The following CAMSAP2 variants were observed in gnomAD, a reference collection of about 807,000 sequenced individuals.
CAMSAP2 encodes the protein calmodulin-regulated spectrin-associated protein 2.
CAMSAP2 carries 26 observed loss-of-function variants against 146.1 expected under a neutral mutation model. The observed-to-expected ratio is 0.18, with a 90% CI of 0.13 to 0.25. CAMSAP2 has a LOEUF of 0.25. Ranked by LOEUF, CAMSAP2 falls within the 10% of genes least tolerant of loss-of-function variation. The pLI is 1.00. For missense variants in CAMSAP2, 1,381 were observed against 1,759.3 expected, an observed-to-expected ratio of 0.78 and a Z score of 3.85; for synonymous variants, 499 against 596.6, an observed-to-expected ratio of 0.84 and a Z score of 2.38.
At chr1:200,803,409 C>T (rs1666085883) in intron 2 of CAMSAP2, among the ~76,000 whole-genome samples, 1 of 152,104 alleles carries the variant, frequency 6.6e-6, no homozygotes, top group Non-Finnish European at 1.5e-5. Context: ...TGACACTTAA[C>T]AGTGTTAGTT....
rs117400345 is a variant in CAMSAP2, at chr1:200,772,758, A to G, written c.399+11660A>G. Reference sequence around the variant, plus strand: ...CTTTAAAAATGTATTTTCATTTTCAAATTACCAATAGCATCTATTTGTTTG... The same window carrying G: ...CTTTAAAAATGTATTTTCATTTTCAGATTACCAATAGCATCTATTTGTTTG... On this transcript the variant is annotated intron_variant, in intron 2 of 16. Transcript: ENST00000358823. Among the ~76,000 whole-genome samples the G allele has an allele frequency of 8.7e-4, 133 of 152,344 alleles. No individual in the cohort carries two copies. In the East Asian group the frequency reaches 0.02, roughly 22 times the overall value.
intron 4 of CAMSAP2, among the ~76,000 whole-genome samples, chr1:200,820,264 A>G (rs1666715071): frequency 6.6e-6 from 1 of 151,992 alleles, no homozygotes; most frequent in Non-Finnish European, 1.5e-5. Flanking sequence ...GGGTTTCGCC[A>G]TGTGCTGGTC....
intron 3 of CAMSAP2, among the ~76,000 whole-genome samples, chr1:200,809,866 G>T (rs770276626): frequency 6.6e-6 from 1 of 152,224 alleles, no homozygotes; most frequent in Non-Finnish European, 1.5e-5. Flanking sequence ...TTCCTGCTAA[G>T]TGGGGACTCT....
intron 2 of CAMSAP2, among the ~76,000 whole-genome samples, chr1:200,795,379 C>G (rs1313141349): frequency 6.6e-6 from 1 of 152,140 alleles, no homozygotes; most frequent in East Asian, 1.9e-4. Flanking sequence ...GAGTCAGCCT[C>G]TAAGGTTTGA....
chr1:200,761,452 A>G (rs1664798736), intron 2 of CAMSAP2, among the ~76,000 whole-genome samples: 2 of 152,090 alleles, frequency 1.3e-5, no homozygotes, highest in African/African-American at 4.8e-5. Context: ...GTGCTGATTT[A>G]TGGCCGGGCG....
chr1:200,760,674 A>C (rs1015658866), intron 1 of CAMSAP2, among the ~76,000 whole-genome samples, 165 bp from the exon 2 acceptor site: 1 of 152,224 alleles, frequency 6.6e-6, no homozygotes, highest in African/African-American at 2.4e-5. Context: ...GTCTCATTCC[A>C]GAGTATATGT....
intron 2 of CAMSAP2, among the ~76,000 whole-genome samples, chr1:200,779,562 A>G (rs1333064368): frequency 6.6e-6 from 1 of 152,186 alleles, no homozygotes; most frequent in East Asian, 1.9e-4. Context: ...GGAAATTGTG[A>G]TGCCCAGGGA....
At chr1:200,785,697 CT>C (rs1212029822) in intron 2 of CAMSAP2, among the ~76,000 whole-genome samples, 2 of 124,982 alleles carry the variant, frequency 1.6e-5, no homozygotes, top group Non-Finnish European at 3.3e-5. Context: ...CTGATATTTT[CT>C]TTTTTTTGAG....
At chr1:200,807,229 C>T in intron 2 of CAMSAP2, 147 bp from the exon 3 acceptor site, 2 of 508,382 alleles carry the variant, frequency 3.9e-6, no homozygotes, top group East Asian at 3.3e-5. Flanking sequence ...TCATCTTTAG[C>T]ATGTACAATT....
intron 4 of CAMSAP2, among the ~76,000 whole-genome samples, chr1:200,822,583 AC>A (rs961751225): frequency 6.6e-6 from 1 of 152,104 alleles, no homozygotes; most frequent in African/African-American, 2.4e-5. Flanking sequence ...ATATCCATTT[AC>A]CCCTGCTAGA....
At chr1:200,776,365 A>G (rs1464401702) in intron 2 of CAMSAP2, among the ~76,000 whole-genome samples, 1 of 152,200 alleles carries the variant, frequency 6.6e-6, no homozygotes, top group African/African-American at 2.4e-5. Context: ...GGACCAAGTA[A>G]AAGGGCTGTT....
chr1:200,775,107 A>G (rs550317288), intron 2 of CAMSAP2, among the ~76,000 whole-genome samples: 99 of 152,362 alleles, frequency 6.5e-4, no homozygotes, highest in African/African-American at 2.2e-3. Context: ...GGCTCTTTTC[A>G]TAGGAGGCTT....
chr1:200,767,698 G>T (rs933054648), intron 2 of CAMSAP2, among the ~76,000 whole-genome samples: 1 of 152,116 alleles, frequency 6.6e-6, no homozygotes, highest in African/African-American at 2.4e-5. Flanking sequence ...TGAGTGGCTT[G>T]CAAATTTATA....
At chr1:200,840,596 T>C (rs1021352749) in intron 6 of CAMSAP2, among the ~76,000 whole-genome samples, 1 of 152,154 alleles carries the variant, frequency 6.6e-6, no homozygotes, top group Non-Finnish European at 1.5e-5. Flanking sequence ...CACGATAGCC[T>C]TCCAGAACTA....
At chr1:200,855,786 G>A (rs578220028) in intron 14 of CAMSAP2, among the ~76,000 whole-genome samples, 12 of 151,796 alleles carry the variant, frequency 7.9e-5, no homozygotes, top group Non-Finnish European at 1.8e-4. Context: ...TGGTAGAGAC[G>A]GGCTTTCACC....
chr1:200,815,026 T>C (rs967678802), intron 3 of CAMSAP2, among the ~76,000 whole-genome samples: 5 of 152,038 alleles, frequency 3.3e-5, no homozygotes, highest in African/African-American at 1.2e-4. Flanking sequence ...AGAAAGAAAT[T>C]AAGCTCTCTC....
chr1:200,841,581 G>A (rs573118033), intron 6 of CAMSAP2, among the ~76,000 whole-genome samples: 12 of 152,256 alleles, frequency 7.9e-5, no homozygotes, highest in South Asian at 2.1e-4. Flanking sequence ...ATCCAGTTAC[G>A]TTTTGGAGAA....
At chr1:200,836,170 A>C (rs1349350043) in intron 6 of CAMSAP2, among the ~76,000 whole-genome samples, 1 of 152,014 alleles carries the variant, frequency 6.6e-6, no homozygotes, top group Non-Finnish European at 1.5e-5. Flanking sequence ...AACTTGTGTC[A>C]TGGGAGTTTG....
chr1:200,841,849 T>C (rs988626590), intron 6 of CAMSAP2, 145 bp from the exon 7 acceptor site: 78 of 614,384 alleles, frequency 1.3e-4, no homozygotes, highest in Non-Finnish European at 1.7e-4. Flanking sequence ...AGAGTTAATA[T>C]TCCATCCCAT....
Sources: gnomAD v4.1 joint callset for allele counts (sites outside exome capture counted in the v4.1 genomes callset) on GRCh38, gnomAD v4.1.1 for gene constraint, MANE v1.5 for transcripts, NCBI Gene and HGNC (gene_info 2026-07-23, HGNC 2026-07-21) for gene names.